CTNNA1: variants seen among roughly 807,000 people sequenced by gnomAD.
CTNNA1 encodes the protein catenin alpha 1.
CTNNA1 carries 37 observed loss-of-function variants against 98.4 expected under a neutral mutation model. That is an observed-to-expected ratio of 0.38 (90% confidence interval 0.29 to 0.49). The LOEUF (loss-of-function observed/expected upper bound fraction) is 0.49, where lower values mean the gene tolerates loss of function less well. CTNNA1 is among the 20% of genes least tolerant of loss of function. The pLI is 0.95. For missense variants in CTNNA1, 761 were observed against 1,147.2 expected, an observed-to-expected ratio of 0.66 and a Z score of 4.86; for synonymous variants, 404 against 413.2, an observed-to-expected ratio of 0.98 and a Z score of 0.27.
chr5:138,901,207 G>A (rs775186854), intron 9 of CTNNA1, among the ~76,000 whole-genome samples: 1 of 152,042 alleles, frequency 6.6e-6, no homozygotes, highest in Non-Finnish European at 1.5e-5. Flanking sequence ...GTCCAGGCTG[G>A]AGTGCAGTGG....
chr5:138,799,734 A>C (rs1209718495), intron 3 of CTNNA1, among the ~76,000 whole-genome samples: 1 of 151,942 alleles, frequency 6.6e-6, no homozygotes, highest in Non-Finnish European at 1.5e-5. Context: ...GAAAGTGTGA[A>C]TATTTTAACC....
Position 138,805,152 on chromosome 5 carries a change from T to C in CTNNA1, c.302-4886T>C, listed in dbSNP as rs11748992. Among the ~76,000 whole-genome samples, 1,189 of 152,240 alleles carry C rather than the reference T, an allele frequency of 7.8e-3. 8 individuals carry two copies. The highest frequency in any genetic ancestry group is 0.013 in the Non-Finnish European group (895 of 68,014). On this transcript the variant is annotated intron_variant, in intron 3 of 17. Coordinates refer to ENST00000302763, the MANE Select transcript of CTNNA1 (RefSeq NM_001903.5). ...CACAAGAACAGCACCAAGAGGTTGG[T>C]ACTAACCCATTCATGAGAAACCACT...
rs1356332654 is a variant in CTNNA1, at chr5:138,909,445, ACCT to A, written c.1389+5008_1389+5010del. On this transcript the variant is annotated intron_variant, in intron 10 of 17. Coordinates refer to ENST00000302763, the MANE Select transcript of CTNNA1 (RefSeq NM_001903.5). Reference sequence around the variant, plus strand: ...GCCATCATGAATCACTGCAGCCTTGACCTCCTAGGTTTAAGCAGTCCTTGCACC... The same window carrying A: ...GCCATCATGAATCACTGCAGCCTTGACCTAGGTTTAAGCAGTCCTTGCACC... Among the ~76,000 whole-genome samples, 4 of 149,200 alleles carry A rather than the reference ACCT, an allele frequency of 2.7e-5. No individual in the cohort carries two copies. The Admixed American group carries it at 2.7e-4, about 10-fold the overall frequency.
chr5:138,854,124 A>G (rs1763500993), intron 7 of CTNNA1, among the ~76,000 whole-genome samples: 1 of 152,186 alleles, frequency 6.6e-6, no homozygotes, highest in Non-Finnish European at 1.5e-5. Context: ...TCGTACTTGT[A>G]AGTAGTTTTA....
chr5:138,833,186 T>C (rs1761448900), intron 7 of CTNNA1, among the ~76,000 whole-genome samples: 1 of 152,226 alleles, frequency 6.6e-6, no homozygotes, highest in African/African-American at 2.4e-5. Flanking sequence ...ACCCTCAGTC[T>C]TTGAAATGAA....
intron 3 of CTNNA1, among the ~76,000 whole-genome samples, chr5:138,808,040 C>A (rs1025627859): frequency 6.6e-6 from 1 of 152,110 alleles, no homozygotes; most frequent in Non-Finnish European, 1.5e-5. Context: ...TGTGAACTAC[C>A]GTGCCCAGCC....
At chr5:138,798,174 G>A (rs1329758719) in intron 3 of CTNNA1, among the ~76,000 whole-genome samples, 1 of 152,130 alleles carries the variant, frequency 6.6e-6, no homozygotes, top group Non-Finnish European at 1.5e-5. Flanking sequence ...AAAAGTAGAT[G>A]GAAAAATAGA....
At position 138,874,273 on chromosome 5, in the gene CTNNA1, T is replaced by G. The variant is rs1172831404; in HGVS notation, c.1063-11939T>G. ...AAGCATCTTCTTTTACTGTTGAAAT[T>G]TGATTGTGATCTAAGTGGAGCCAAG... On this transcript the variant is annotated intron_variant, in intron 7 of 17. Transcript: ENST00000302763. This position sits in a 1 kb window ranked among gnomAD's most constrained non-coding sequence, Gnocchi z 4.1. The G allele has an allele frequency of 6.2e-7, 1 of 1,614,056 alleles. No homozygotes were observed. The highest frequency in any genetic ancestry group is 1.7e-5 in the Admixed American group (1 of 60,026).
chr5:138,852,865 G>GCACGCACGCGCACACACACA (rs1763348583), intron 7 of CTNNA1, among the ~76,000 whole-genome samples: 1 of 151,584 alleles, frequency 6.6e-6, no homozygotes, highest in African/African-American at 2.4e-5. Context: ...CTTTTCGCGC[G>GCACGCACGCGCACACACACA]CGCGCGCACA....
intron 10 of CTNNA1, among the ~76,000 whole-genome samples, chr5:138,907,227 G>C (rs1444658951): frequency 7.2e-5 from 11 of 152,116 alleles, no homozygotes; most frequent in Non-Finnish European, 1.6e-4. Context: ...TCACCATGTT[G>C]CCCATGCTGG....
At chr5:138,825,159 C>T (rs753104724) in intron 6 of CTNNA1, among the ~76,000 whole-genome samples, 2 of 152,008 alleles carry the variant, frequency 1.3e-5, no homozygotes, top group Non-Finnish European at 2.9e-5. Flanking sequence ...AGGGTCAGCC[C>T]CCTAGAGGCT....
intron 7 of CTNNA1, among the ~76,000 whole-genome samples, chr5:138,844,730 A>G (rs1422275405): frequency 6.6e-6 from 1 of 152,196 alleles, no homozygotes; most frequent in Non-Finnish European, 1.5e-5. Flanking sequence ...AAAATTACCT[A>G]TTATTTTATT....
At chr5:138,803,828 T>C (rs1308991515) in intron 3 of CTNNA1, among the ~76,000 whole-genome samples, 2 of 152,214 alleles carry the variant, frequency 1.3e-5, no homozygotes. Context: ...TTATTGTCTT[T>C]CTCTCCCACT....
chr5:138,769,948 G>A (rs560338817), intron 1 of CTNNA1, among the ~76,000 whole-genome samples: 2 of 152,160 alleles, frequency 1.3e-5, no homozygotes, highest in African/African-American at 4.8e-5. Context: ...TTGGGTTCAA[G>A]CGATTCTCCT....
intron 9 of CTNNA1, among the ~76,000 whole-genome samples, chr5:138,894,870 C>T (rs998651456): frequency 6.6e-6 from 1 of 152,204 alleles, no homozygotes; most frequent in Non-Finnish European, 1.5e-5. Context: ...CATCTTTGAC[C>T]ATACCTAAAC....
At chr5:138,895,365 C>T (rs950937595) in intron 9 of CTNNA1, among the ~76,000 whole-genome samples, 4 of 152,094 alleles carry the variant, frequency 2.6e-5, no homozygotes, top group South Asian at 2.1e-4. Context: ...CACAAAAGAG[C>T]GTTGTAATGC....
In CTNNA1 at chr5:138,887,158, G is replaced by T. The variant is rs545582374; in HGVS notation, c.1144-332G>T. Among the ~76,000 whole-genome samples the T allele has an allele frequency of 2.6e-5, 4 of 152,218 alleles. No individual in the cohort carries two copies. In the South Asian group the frequency reaches 6.2e-4, roughly 24 times the overall value. On this transcript the variant is annotated intron_variant, in intron 8 of 17. Transcript: ENST00000302763. ...ATATATATTCCAAGGCTATGTGCCA[G>T]TTCAACCCAGAGCTGCTTTCAGTTC...
Position 138,909,461 on chromosome 5 carries a change from C to T in CTNNA1, c.1389+5020C>T, listed in dbSNP as rs112336477. Among the ~76,000 whole-genome samples the T allele has an allele frequency of 4.6e-5, 7 of 150,972 alleles. 1 individual carries two copies. The highest frequency in any genetic ancestry group is 1.3e-4 in the Admixed American group (2 of 15,108). On this transcript the variant is annotated intron_variant, in intron 10 of 17. Coordinates refer to ENST00000302763, the MANE Select transcript of CTNNA1 (RefSeq NM_001903.5). The stretch of plus-strand genomic sequence containing the variant: ...GCAGCCTTGACCTCCTAGGTTTAAG[C>T]AGTCCTTGCACCTCAGCCTCTGAGT...
intron 7 of CTNNA1, chr5:138,871,648 T>A (rs887922110): frequency 2.6e-5 from 4 of 152,236 alleles, no homozygotes; most frequent in African/African-American, 9.6e-5. Flanking sequence ...GAGTCAGATT[T>A]CAAAATCTGC....
Sources: gnomAD v4.1 joint callset for allele counts (sites outside exome capture counted in the v4.1 genomes callset) on GRCh38, gnomAD v4.1.1 for gene constraint, Gnocchi (gnomAD v3.1) non-coding constraint, MANE v1.5 for transcripts, NCBI Gene and HGNC (gene_info 2026-07-23, HGNC 2026-07-21) for gene names.